The following CDKL4 variants were observed in gnomAD, a reference collection of about 807,000 sequenced individuals.
CDKL4 encodes the protein cyclin-dependent kinase-like 4.
A neutral mutation model predicts 42.0 loss-of-function variants in CDKL4; 44 were observed. That is an observed-to-expected ratio of 1.05 (90% CI 0.82 to 1.35). The LOEUF (loss-of-function observed/expected upper bound fraction) is 1.35, where lower values mean the gene tolerates loss of function less well. Among genes scored for constraint, CDKL4 ranks in the 40% most tolerant of loss-of-function variants. CDKL4 has a pLI of 0.00. For missense variants in CDKL4, 393 were observed against 369.9 expected, an observed-to-expected ratio of 1.06 and a Z score of -0.51; for synonymous variants, 120 against 121.6, an observed-to-expected ratio of 0.99 and a Z score of 0.09.
At chr2:39,208,789 C>T (rs1677380499) in intron 4 of CDKL4, among the ~76,000 whole-genome samples, 1 of 144,918 alleles carries the variant, frequency 6.9e-6, no homozygotes, top group Non-Finnish European at 1.5e-5. Flanking sequence ...TTAAAATCAT[C>T]TCTGCAAACT....
intron 1 of CDKL4, among the ~76,000 whole-genome samples, chr2:39,241,494 A>T (rs1679660907): frequency 6.6e-6 from 1 of 151,268 alleles, no homozygotes; most frequent in South Asian, 2.1e-4. Context: ...CTTTCTCAGA[A>T]ATGTCTTATG....
intron 1 of CDKL4, among the ~76,000 whole-genome samples, chr2:39,239,339 G>T (rs1350327554): frequency 6.6e-6 from 1 of 151,174 alleles, no homozygotes; most frequent in East Asian, 1.9e-4. Context: ...ATTCATAAAA[G>T]AAAAAATAGA....
intron 3 of CDKL4, among the ~76,000 whole-genome samples, chr2:39,216,472 C>G (rs1208428531): frequency 6.6e-6 from 1 of 152,042 alleles, no homozygotes; most frequent in East Asian, 1.9e-4. Context: ...ATGCTAAATT[C>G]AAAACCATTG....
chr2:39,240,296 T>C (rs1679597399), intron 1 of CDKL4, among the ~76,000 whole-genome samples: 2 of 151,398 alleles, frequency 1.3e-5, no homozygotes, highest in Non-Finnish European at 1.5e-5. Context: ...TGTGGTGGTA[T>C]GCACCTGTAA....
At position 39,187,687 on chromosome 2, in the gene CDKL4, T is replaced by C. The variant is rs747877278; in HGVS notation, c.675A>G (p.Gln225=). The C allele has an allele frequency of 1.7e-5, 28 of 1,612,220 alleles. No homozygotes were observed. In the East Asian group the frequency reaches 3.6e-4, roughly 21 times the overall value. ...AAAACCCGTTACTTTTAAAGATTGATTGATGTCTTGGGATTAATTTTCCTG... is the reference window on the plus strand; with the variant it reads ...AAAACCCGTTACTTTTAAAGATTGACTGATGTCTTGGGATTAATTTTCCTG... Residue 225 remains glutamine (Q), a synonymous_variant, in exon 7 of 10, where the codon CAA becomes CAG. Coordinates refer to ENST00000451199, the Ensembl canonical transcript of CDKL4.
intron 1 of CDKL4, among the ~76,000 whole-genome samples, chr2:39,230,976 G>A (rs944059983): frequency 2.0e-5 from 3 of 152,102 alleles, no homozygotes; most frequent in Non-Finnish European, 4.4e-5. Context: ...CTGGGAGGTC[G>A]AGGCAGGTGG....
chr2:39,178,527 C>T, intron 9 of CDKL4: 1 of 1,549,530 alleles, frequency 6.5e-7, no homozygotes, highest in East Asian at 2.4e-5. Context: ...TGAACCAAAA[C>T]AAACCTATTT....
At chr2:39,215,816 A>G (rs988578429) in intron 3 of CDKL4, among the ~76,000 whole-genome samples, 20 of 152,212 alleles carry the variant, frequency 1.3e-4, no homozygotes, top group African/African-American at 4.3e-4. Context: ...TGTCCTTGAC[A>G]TCAGTGGCCC....
chr2:39,221,145 C>T (rs1008427838), intron 3 of CDKL4, among the ~76,000 whole-genome samples: 29 of 151,588 alleles, frequency 1.9e-4, no homozygotes, highest in Non-Finnish European at 3.5e-4. Context: ...TCCTAAGTAG[C>T]TGGGACTACA....
intron 5 of CDKL4, among the ~76,000 whole-genome samples, chr2:39,199,962 A>G (rs1305823666): frequency 6.6e-6 from 1 of 152,182 alleles, no homozygotes; most frequent in East Asian, 1.9e-4. Context: ...ACTTCTATTC[A>G]ACATAGTACT....
chr2:39,194,470 T>C (rs144306195), intron 5 of CDKL4, among the ~76,000 whole-genome samples: 1 of 152,304 alleles, frequency 6.6e-6, no homozygotes, highest in African/African-American at 2.4e-5. Context: ...TGAGACTCTG[T>C]CTCAAAACAA....
intron 2 of CDKL4, 136 bp from the exon 3 acceptor site, chr2:39,226,096 G>A: frequency 1.3e-6 from 1 of 767,462 alleles, no homozygotes; most frequent in Non-Finnish European, 1.9e-6. Flanking sequence ...TAACAAAATT[G>A]CTTGAATCTC....
chr2:39,174,740 C>T (rs571148683), downstream of CDKL4, among the ~76,000 whole-genome samples: 199 of 152,186 alleles, frequency 1.3e-3, 3 homozygotes, highest in Non-Finnish European at 5.0e-4. Flanking sequence ...GCCTTTTTGC[C>T]TAACAGTGAT....
chr2:39,184,560 CT>C, intron 8 of CDKL4, 30 bp downstream of exon 8: 1 of 1,524,604 alleles, frequency 6.6e-7, no homozygotes, highest in Non-Finnish European at 9.1e-7. Flanking sequence ...CAATTTATAG[CT>C]AATAAGAGTT....
intron 3 of CDKL4, among the ~76,000 whole-genome samples, chr2:39,219,911 A>C (rs1678196295): frequency 6.6e-6 from 1 of 152,164 alleles, no homozygotes; most frequent in Non-Finnish European, 1.5e-5. Context: ...CAGAGCTTTA[A>C]TATCTTGGTT....
At chr2:39,246,261 CT>C (rs968179816), upstream of CDKL4, among the ~76,000 whole-genome samples, 3 of 152,146 alleles carry the variant, frequency 2.0e-5, no homozygotes, top group African/African-American at 7.2e-5. Context: ...AAACAAAAAC[CT>C]TTATCTCCTT....
chr2:39,181,133 T>C (rs1675417489), intron 8 of CDKL4, among the ~76,000 whole-genome samples: 1 of 152,238 alleles, frequency 6.6e-6, no homozygotes, highest in African/African-American at 2.4e-5. Flanking sequence ...ATTATGTATT[T>C]TGAATTCTCT....
chr2:39,175,796 A>G, exon 10 of CDKL4: 2 of 300,826 alleles, frequency 6.6e-6, no homozygotes, highest in Non-Finnish European at 1.3e-5. Context: ...GCTTTATAAC[A>G]TTTAAAGAAA....
chr2:39,175,506 C>T (rs891828219), downstream of CDKL4: 20 of 152,658 alleles, frequency 1.3e-4, no homozygotes, highest in African/African-American at 4.3e-4. Context: ...CCTTTCTACA[C>T]CAATATAAAA....
Sources: gnomAD v4.1 joint callset for allele counts (sites outside exome capture counted in the v4.1 genomes callset) on GRCh38, gnomAD v4.1.1 for gene constraint, MANE v1.5 for transcripts, NCBI Gene and HGNC (gene_info 2026-07-23, HGNC 2026-07-21) for gene names.